The following GRM4 variants were observed in gnomAD, a reference collection of about 807,000 sequenced individuals.
GRM4 encodes the protein glutamate metabotropic receptor 4.
In GRM4, 28 loss-of-function variants were observed where a neutral mutation model predicts 81.7. That is an observed-to-expected ratio of 0.34 (90% CI 0.25 to 0.47). The LOEUF (loss-of-function observed/expected upper bound fraction) is 0.47, where lower values mean the gene tolerates loss of function less well. GRM4 is among the 20% of genes least tolerant of loss of function. The probability of loss-of-function intolerance (pLI) is 1.00; values close to 1 mark genes in which losing one functional copy is unlikely to be tolerated. For missense variants in GRM4, 948 were observed against 1,290.0 expected, an observed-to-expected ratio of 0.73 and a Z score of 4.06; for synonymous variants, 488 against 528.8, an observed-to-expected ratio of 0.92 and a Z score of 1.06.
chr6:34,105,969 T>G (rs2451346), intron 2 of GRM4: 3,009 of 152,384 alleles, frequency 0.02, 51 homozygotes, highest in Middle Eastern at 0.065. Context: ...AGCATCTCTG[T>G]CTGGGCTATC....
chr6:34,131,502 G>A (rs569744909), intron 2 of GRM4, among the ~76,000 whole-genome samples: 12 of 152,066 alleles, frequency 7.9e-5, no homozygotes, highest in Non-Finnish European at 1.3e-4. Flanking sequence ...ACAGGTGGGC[G>A]CACACGTGCT....
chr6:34,062,086 C>T, intron 3 of GRM4, 58 bp from the exon 4 acceptor site: 2 of 1,557,012 alleles, frequency 1.3e-6, no homozygotes, highest in Non-Finnish European at 8.8e-7. Flanking sequence ...CTCCCCACCA[C>T]TCTCCCAACA....
At chr6:34,083,423 C>T (rs959771197) in intron 3 of GRM4, among the ~76,000 whole-genome samples, 1 of 152,234 alleles carries the variant, frequency 6.6e-6, no homozygotes, top group Non-Finnish European at 1.5e-5. Context: ...ACACCAACAC[C>T]TTGCCAATCT....
chr6:34,079,588 CACT>C (rs1767480714), intron 3 of GRM4, among the ~76,000 whole-genome samples: 1 of 152,192 alleles, frequency 6.6e-6, no homozygotes, highest in Admixed American at 6.5e-5. Flanking sequence ...GATGAGGCCC[CACT>C]CAGCATCCAT....
At chr6:34,120,957 G>A (rs1397390616) in intron 2 of GRM4, among the ~76,000 whole-genome samples, 1 of 152,130 alleles carries the variant, frequency 6.6e-6, no homozygotes, top group African/African-American at 2.4e-5. Context: ...ATGTGGCCAG[G>A]TCTTGGGTAC....
Position 34,087,707 on chromosome 6 carries a change from C to CA in GRM4, c.736+4175_736+4176insT, listed in dbSNP as rs1444280639. Among the ~76,000 whole-genome samples the CA allele has an allele frequency of 2.8e-3, 406 of 146,036 alleles. 2 individuals are homozygous for CA. Among genetic ancestry groups the CA allele is most frequent in the Admixed American group, 4.3e-3 (63 of 14,730 alleles). On this transcript the variant is annotated intron_variant, in intron 3 of 10. Coordinates refer to ENST00000538487, the MANE Select transcript of GRM4 (RefSeq NM_000841.4). ...CCGCACACACACACACAACCCCCCC[C>CA]CCACACACACACACACAGGCCCAGT...
intron 1 of GRM4, among the ~76,000 whole-genome samples, chr6:34,142,180 G>A (rs889564669): frequency 2.0e-5 from 3 of 152,188 alleles, no homozygotes; most frequent in Admixed American, 6.5e-5. Context: ...AGCCCCTTAG[G>A]CCCGCCAAGA....
chr6:34,044,681 CACAG>C lies in GRM4; in HGVS notation c.1169-3937_1169-3934del, dbSNP rs774606343. Among the ~76,000 whole-genome samples, 1,467 of 149,002 alleles carry C rather than the reference CACAG, an allele frequency of 9.8e-3. 24 individuals carry two copies. Among genetic ancestry groups the C allele is most frequent in the Non-Finnish European group, 0.015 (1,022 of 67,512 alleles). ...ACACATATATACACAGACACACACA[CACAG>C]ACATACATACACATATATACAGACA... On this transcript the variant is annotated intron_variant, in intron 6 of 10. Coordinates refer to ENST00000538487, the MANE Select transcript of GRM4 (RefSeq NM_000841.4).
intron 6 of GRM4, among the ~76,000 whole-genome samples, chr6:34,052,966 A>T (rs1765686766): frequency 6.6e-6 from 1 of 152,246 alleles, no homozygotes; most frequent in South Asian, 2.1e-4. Flanking sequence ...CAGCAGACAG[A>T]CAGAATTGGT....
At position 34,065,413 on chromosome 6, in the gene GRM4, T is replaced by C. The variant is rs150058110; in HGVS notation, c.737-3385A>G. ...TCCATGGGTCCATACTGAGAGTAGA[T>C]AGAATCAAATGAAAGCCCACAAAGC... On this transcript the variant is annotated intron_variant, in intron 3 of 10. Coordinates refer to ENST00000538487, the MANE Select transcript of GRM4 (RefSeq NM_000841.4). Among the ~76,000 whole-genome samples, 807 of 151,986 alleles carry C rather than the reference T, an allele frequency of 5.3e-3. 11 individuals carry two copies. The highest frequency in any genetic ancestry group is 0.018 in the African/African-American group (740 of 41,444).
intron 2 of GRM4, among the ~76,000 whole-genome samples, chr6:34,109,500 G>T (rs560967390): frequency 2.6e-5 from 4 of 152,110 alleles, no homozygotes; most frequent in Non-Finnish European, 5.9e-5. Flanking sequence ...CAGGCCTCCC[G>T]GGCACCAGCA....
At chr6:34,044,671 G>GACACAC (rs555808028) in intron 6 of GRM4, among the ~76,000 whole-genome samples, 7 of 72,332 alleles carry the variant, frequency 9.7e-5, no homozygotes, top group African/African-American at 4.0e-4. Flanking sequence ...TATATACACA[G>GACACAC]ACACACACAC....
intron 7 of GRM4, 76 bp downstream of exon 7, chr6:34,040,472 C>A (rs1298450138): frequency 1.4e-6 from 2 of 1,466,822 alleles, no homozygotes; most frequent in African/African-American, 1.4e-5. Context: ...TCCCACCCCA[C>A]AGAGCCTAAG....
At chr6:34,043,338 C>G (rs150933563) in intron 6 of GRM4, among the ~76,000 whole-genome samples, 3 of 152,178 alleles carry the variant, frequency 2.0e-5, no homozygotes, top group Non-Finnish European at 4.4e-5. Flanking sequence ...ATGGAATGGA[C>G]GATCCCATCC....
Position 34,133,778 on chromosome 6 carries a change from C to T in GRM4, c.-282G>A, listed in dbSNP as rs1467474457. On this transcript the variant is annotated 5_prime_UTR_variant, in exon 2 of 11. Transcript: ENST00000538487. This position sits in a 1 kb window ranked among gnomAD's most constrained non-coding sequence, Gnocchi z 6.5. ...CTGCAGGCCTGTTCTCGGTGGATGA[C>T]TGTGGAAAGGGCAGAATGCTCCTAG... is the stretch of plus-strand genomic sequence containing the variant. The T allele has an allele frequency of 1.7e-6, 2 of 1,208,754 alleles. No homozygotes were observed. Among genetic ancestry groups the T allele is most frequent in the African/African-American group, 3.1e-5 (2 of 63,982 alleles). The allele number at this position is 1,208,754 out of a possible 1,614,324, so 74.9% of individuals were successfully genotyped here. A position where few individuals can be genotyped will look rare whatever the true frequency, so the allele number is the denominator to read the frequency against.
rs1040999763 is a variant in GRM4, at chr6:34,047,968, C to G, written c.1169-7220G>C. ...AGAATATGACCCCAGCAAAAAAACACTAAGGAGAGAAGCTGAGAGCTTGGC... is the reference window on the plus strand; with the variant it reads ...AGAATATGACCCCAGCAAAAAAACAGTAAGGAGAGAAGCTGAGAGCTTGGC... On this transcript the variant is annotated intron_variant, in intron 6 of 10. Coordinates refer to ENST00000538487, the MANE Select transcript of GRM4 (RefSeq NM_000841.4). This position sits in a 1 kb window ranked among gnomAD's most constrained non-coding sequence, Gnocchi z 4.5. Among the ~76,000 whole-genome samples, 2 of 152,136 alleles carry G rather than the reference C, an allele frequency of 1.3e-5. No homozygotes were observed. Among genetic ancestry groups the G allele is most frequent in the Non-Finnish European group, 2.9e-5 (2 of 68,032 alleles).
At chr6:34,110,818 T>A in intron 2 of GRM4, 1 of 1,381,600 alleles carries the variant, frequency 7.2e-7, no homozygotes, top group Non-Finnish European at 9.4e-7. Flanking sequence ...CTGTCTTGCC[T>A]GGCAGCTCTC....
At chr6:34,056,344 A>AC (rs1335086922) in intron 6 of GRM4, 200 bp downstream of exon 6, 1 of 587,658 alleles carries the variant, frequency 1.7e-6, no homozygotes, top group East Asian at 2.8e-5. Context: ...TCAAGGCCAC[A>AC]CCCCAAATCT....
intron 10 of GRM4, among the ~76,000 whole-genome samples, chr6:34,027,065 C>T (rs1764167429): frequency 6.6e-6 from 1 of 152,190 alleles, no homozygotes; most frequent in Non-Finnish European, 1.5e-5. Flanking sequence ...GCCCCTCTGT[C>T]CCTTCCCCGC....
Sources: allele counts gnomAD v4.1 joint callset (sites outside exome capture counted in the v4.1 genomes callset), GRCh38; gene constraint gnomAD v4.1.1; non-coding constraint Gnocchi (gnomAD v3.1); transcripts MANE v1.5; gene names NCBI Gene and HGNC (gene_info 2026-07-23, HGNC 2026-07-21).